The following STK11 variants were observed in gnomAD, a reference collection of about 807,000 sequenced individuals.
The protein encoded by STK11 is serine/threonine-protein kinase STK11.
In STK11, 8 loss-of-function variants were observed where a neutral mutation model predicts 47.3. The observed-to-expected ratio is 0.17, with a 90% CI of 0.10 to 0.31. The LOEUF (loss-of-function observed/expected upper bound fraction) is 0.31. STK11 is among the 10% of genes least tolerant of loss of function. The pLI is 1.00. For synonymous variants in STK11, 330 were observed against 255.8 expected (o/e 1.29, Z -2.77); for missense variants, 475 against 605.0 (o/e 0.79, Z 2.25).
At chr19:1,212,381 C>T (rs2145413499) in intron 1 of STK11, among the ~76,000 whole-genome samples, 1 of 150,408 alleles carries the variant, frequency 6.6e-6, no homozygotes, top group South Asian at 2.1e-4. Flanking sequence ...CCCTCCTGCC[C>T]CCAAGGTAGC....
rs113886953 is a variant in STK11 at position 1,215,161 on chromosome 19, G to C, written c.291-3256G>C. On this transcript the variant is annotated intron_variant, in intron 1 of 9. Coordinates refer to ENST00000326873, the MANE Select transcript of STK11 (RefSeq NM_000455.5). ...GGCAGGCAGGAAGGCGCTGGGCCCC[G>C]GGGCCTTTGCCGAGCCCAGCCTCAC... 4.1e-4 allele frequency among the ~76,000 whole-genome samples: 62 copies of C among 152,240 alleles called. 1 individual carries two copies. The highest frequency in any genetic ancestry group is 2.0e-4 in the Admixed American group (3 of 15,300).
In STK11 at chr19:1,228,251, C is replaced by T; in HGVS notation, c.*675C>T. ...ACCTCTCCCCCAAGGCCACTGCGCT[C>T]TTGGGACCCCAGAGAAAACCCGGAG... On this transcript the variant is annotated 3_prime_UTR_variant, in exon 10 of 10. Coordinates refer to ENST00000326873, the MANE Select transcript of STK11 (RefSeq NM_000455.5). The T allele has an allele frequency of 4.0e-6, 2 of 497,392 alleles. No homozygotes were observed. Among genetic ancestry groups the T allele is most frequent in the Non-Finnish European group, 2.8e-6 (1 of 360,002 alleles). 30.8% of individuals were successfully genotyped at this position (497,392 alleles called of 1,614,324 possible).
In STK11 at chr19:1,228,186, T is replaced by C; in HGVS notation, c.*610T>C. On this transcript the variant is annotated 3_prime_UTR_variant, in exon 10 of 10. Coordinates refer to ENST00000326873, the MANE Select transcript of STK11 (RefSeq NM_000455.5). ...TCGCGGCCGCCTTTGCGCTCTCGGG[T>C]CACCCTGCTTTGGCGGCCCGGCCGG... The C allele has an allele frequency of 9.6e-7, 1 of 1,041,244 alleles. No individual in the cohort carries two copies. The highest frequency in any genetic ancestry group is 1.2e-6 in the Non-Finnish European group (1 of 857,656). 64.5% of individuals were successfully genotyped at this position (1,041,244 alleles called of 1,614,324 possible). A position where few individuals can be genotyped will look rare whatever the true frequency, so the allele number is the denominator to read the frequency against.
chr19:1,219,285 TG>T (rs2145421997), intron 2 of STK11, 38 bp from the exon 3 acceptor site: 1 of 1,553,700 alleles, frequency 6.4e-7, no homozygotes. Flanking sequence ...GGCCTGTGAG[TG>T]GGGCCGCCCC....
At chr19:1,215,552 C>T (rs1427710596) in intron 1 of STK11, among the ~76,000 whole-genome samples, 1 of 152,238 alleles carries the variant, frequency 6.6e-6, no homozygotes, top group African/African-American at 2.4e-5. Flanking sequence ...CTTGTCCAGG[C>T]CCAGCCCCAG....
intron 3 of STK11, 61 bp downstream of exon 3, chr19:1,219,474 C>G (rs2080767247): frequency 1.3e-6 from 2 of 1,502,678 alleles, no homozygotes; most frequent in Admixed American, 2.0e-5. Flanking sequence ...AGGGCAGGCT[C>G]CTTTCCGTGA....
chr19:1,207,908 C>T (rs1167749990), intron 1 of STK11, among the ~76,000 whole-genome samples: 1 of 152,220 alleles, frequency 6.6e-6, no homozygotes, highest in East Asian at 1.9e-4. Flanking sequence ...CCGGACGCCT[C>T]TGCATCTGTG....
intron 8 of STK11, chr19:1,223,897 G>T: frequency 9.8e-7 from 1 of 1,016,118 alleles, no homozygotes; most frequent in Non-Finnish European, 1.2e-6. Context: ...GATGCTTGCT[G>T]CGCTCGGGCT....
At chr19:1,226,772 G>T in intron 9 of STK11, 109 bp downstream of exon 9, 1 of 1,313,748 alleles carries the variant, frequency 7.6e-7, no homozygotes, top group South Asian at 1.6e-5. Flanking sequence ...TCACGTGGCT[G>T]CGCGTGGTTG....
At chr19:1,213,932 C>T (rs183488126) in intron 1 of STK11, among the ~76,000 whole-genome samples, 3 of 152,224 alleles carry the variant, frequency 2.0e-5, no homozygotes, top group East Asian at 3.8e-4. Context: ...TCTAGGCAGA[C>T]GGAGGCTCCT....
intron 1 of STK11, among the ~76,000 whole-genome samples, chr19:1,211,460 TG>T (rs113785486): frequency 0.83 from 115,325 of 138,642 alleles, 47,575 homozygotes; most frequent in African/African-American, 0.88. Flanking sequence ...AGTGGGGTTC[TG>T]GGGGGGGGGG....
chr19:1,223,814 G>T, intron 8 of STK11: 2 of 1,032,838 alleles, frequency 1.9e-6, no homozygotes, highest in Non-Finnish European at 2.3e-6. Context: ...TCCCCGCCAT[G>T]CTCCCGGCTT....
At chr19:1,214,428 C>T (rs931736417) in intron 1 of STK11, among the ~76,000 whole-genome samples, 2 of 152,200 alleles carry the variant, frequency 1.3e-5, no homozygotes, top group Non-Finnish European at 1.5e-5. Context: ...TGCTGTGTGT[C>T]CTGCTGCTGT....
rs1045534460 is a variant in STK11 at position 1,206,649 on chromosome 19, C to G, written c.-265C>G. The stretch of plus-strand genomic sequence containing the variant: ...TTCTGAGGCCCGGGTCCCACTGGAA[C>G]TCGCGTCTGAGCCGCCGTCCCGGAC... On this transcript the variant is annotated 5_prime_UTR_variant, in exon 1 of 10. Coordinates refer to ENST00000326873, the MANE Select transcript of STK11 (RefSeq NM_000455.5). The G allele has an allele frequency of 3.8e-6, 2 of 525,782 alleles. No individual in the cohort carries two copies. The highest frequency in any genetic ancestry group is 1.9e-5 in the African/African-American group (1 of 52,254). The allele number at this position is 525,782 out of a possible 1,614,324, so 32.6% of individuals were successfully genotyped here.
rs1297520176 is a variant in STK11, at chr19:1,221,288, G to C, written c.810G>C (p.Gly270=). The change falls in exon 6 of 10, where the codon GGG becomes GGC. Residue 270 remains glycine (G), a synonymous_variant. Transcript: ENST00000326873. ...IYKLFENIGK[G]SYAIPGDCGP... ...AGTTGTTTGAGAACATCGGGAAGGG[G>C]AGCTACGCCATCCCGGGCGACTGTG... 6.2e-7 allele frequency: 1 copy of C among 1,611,492 alleles called. No homozygotes were observed. The highest frequency in any genetic ancestry group is 8.5e-7 in the Non-Finnish European group (1 of 1,179,250).
At chr19:1,214,725 G>A (rs529964577) in intron 1 of STK11, among the ~76,000 whole-genome samples, 1 of 152,324 alleles carries the variant, frequency 6.6e-6, no homozygotes, top group South Asian at 2.1e-4. Context: ...AGCCTGGGTG[G>A]GTGTGGGGTG....
intron 6 of STK11, 151 bp from the exon 7 acceptor site, chr19:1,221,796 CCT>C: frequency 1.3e-6 from 1 of 798,184 alleles, no homozygotes; most frequent in Non-Finnish European, 2.0e-6. Context: ...AGTGGAGTGG[CCT>C]CTGTCAGGGA....
chr19:1,220,745 AC>A (rs1159506952), intron 5 of STK11, 28 bp downstream of exon 5: 8 of 1,592,120 alleles, frequency 5.0e-6, no homozygotes, highest in Admixed American at 1.7e-5. Context: ...CCGGGCACTC[AC>A]CACACGCACA....
intron 3 of STK11, 102 bp from the exon 4 acceptor site, chr19:1,220,271 G>A (rs2080773001): frequency 6.9e-7 from 1 of 1,452,258 alleles, no homozygotes; most frequent in Admixed American, 2.1e-5. Flanking sequence ...TGACTTCCCA[G>A]CTGGGCCTGT....
Sources: gnomAD v4.1 joint callset for allele counts (sites outside exome capture counted in the v4.1 genomes callset) on GRCh38, gnomAD v4.1.1 for gene constraint, MANE v1.5 for transcripts, NCBI Gene and HGNC (gene_info 2026-07-23, HGNC 2026-07-21) for gene names.